Variants in FOLH1 observed in about 807,000 individuals in gnomAD.
FOLH1 encodes the protein glutamate carboxypeptidase 2.
In FOLH1, 54 loss-of-function variants were observed where a neutral mutation model predicts 93.9. The observed-to-expected ratio is 0.57, with a 90% CI of 0.46 to 0.72. FOLH1 has a LOEUF of 0.72. Ranked by LOEUF, FOLH1 falls within the 30% of genes least tolerant of loss-of-function variation. FOLH1 has a pLI of 0.00. For missense variants in FOLH1, 571 were observed against 892.5 expected (o/e 0.64, Z 4.59); for synonymous variants, 249 against 303.6 (o/e 0.82, Z 1.87).
At position 49,208,243 on chromosome 11, in the gene FOLH1, G is replaced by C. The variant is rs573572310; in HGVS notation, c.118+49C>G. On this transcript the variant is annotated intron_variant, in intron 1 of 18. Coordinates refer to ENST00000256999, the MANE Select transcript of FOLH1 (RefSeq NM_004476.3). ...GCTGACCCGCGAGTCCCAGCACCGC[G>C]GCACCACGGGGAAGACTCCGAGGTT... is the stretch of plus-strand genomic sequence containing the variant. 7.6e-6 allele frequency: 10 copies of C among 1,320,986 alleles called. 1 individual carries two copies. In the African/African-American group the frequency reaches 1.0e-4, roughly 14 times the overall value. The allele number at this position is 1,320,986 out of a possible 1,614,324, so 81.8% of individuals were successfully genotyped here.
intron 13 of FOLH1, among the ~76,000 whole-genome samples, chr11:49,160,495 T>G (rs1159700141): frequency 6.6e-6 from 1 of 151,996 alleles, no homozygotes; most frequent in African/African-American, 2.4e-5. Context: ...CAGGCTGGAG[T>G]GCAGTGACGT....
intron 3 of FOLH1, among the ~76,000 whole-genome samples, chr11:49,198,630 A>T (rs1862927578): frequency 6.6e-6 from 1 of 152,156 alleles, no homozygotes. Context: ...CTTTAAATAA[A>T]TTTTCTGAAC....
At chr11:49,203,041 G>T (rs904187066) in intron 2 of FOLH1, among the ~76,000 whole-genome samples, 1 of 152,146 alleles carries the variant, frequency 6.6e-6, no homozygotes, top group Non-Finnish European at 1.5e-5. Context: ...AACAAAATTT[G>T]ATATTCTAGT....
chr11:49,154,194 A>T, intron 16 of FOLH1, 34 bp downstream of exon 16: 1 of 1,609,186 alleles, frequency 6.2e-7, no homozygotes. Flanking sequence ...AGAACCATAC[A>T]GATGAGGAAT....
At chr11:49,193,573 T>G (rs1388221295) in intron 3 of FOLH1, among the ~76,000 whole-genome samples, 1 of 152,172 alleles carries the variant, frequency 6.6e-6, no homozygotes, top group Admixed American at 6.5e-5. Context: ...AATCCACAAC[T>G]GGCCTTATCT....
At chr11:49,182,413 C>T (rs1056178517) in intron 7 of FOLH1, among the ~76,000 whole-genome samples, 9 of 147,360 alleles carry the variant, frequency 6.1e-5, no homozygotes, top group Admixed American at 2.7e-4. Flanking sequence ...CCAGGTTAAG[C>T]AGAACAAATC....
intron 2 of FOLH1, among the ~76,000 whole-genome samples, chr11:49,204,136 G>C (rs1282957710): frequency 1.3e-5 from 2 of 152,160 alleles, no homozygotes; most frequent in Non-Finnish European, 2.9e-5. Flanking sequence ...AGGAGGGCTG[G>C]GCAGCCCACC....
At chr11:49,156,401 T>G (rs1288108117) in intron 15 of FOLH1, among the ~76,000 whole-genome samples, 1 of 152,084 alleles carries the variant, frequency 6.6e-6, no homozygotes, top group Non-Finnish European at 1.5e-5. Flanking sequence ...TCAAAGACAA[T>G]TCCTACATTT....
At chr11:49,150,234 C>T (rs1476569938) in intron 17 of FOLH1, among the ~76,000 whole-genome samples, 1 of 152,062 alleles carries the variant, frequency 6.6e-6, no homozygotes, top group Non-Finnish European at 1.5e-5. Flanking sequence ...GTTCAAATGT[C>T]AATTGTAAAT....
At chr11:49,185,589 C>T in intron 6 of FOLH1, 80 bp downstream of exon 6, 1 of 1,543,338 alleles carries the variant, frequency 6.5e-7, no homozygotes, top group Non-Finnish European at 8.8e-7. Context: ...ATGCTTAGTC[C>T]ATTGTACCAA....
chr11:49,185,317 C>T (rs1409762985), intron 6 of FOLH1, among the ~76,000 whole-genome samples: 2 of 152,178 alleles, frequency 1.3e-5, no homozygotes, highest in African/African-American at 2.4e-5. Flanking sequence ...CCCCCACTTA[C>T]TACTTAGCGT....
intron 2 of FOLH1, among the ~76,000 whole-genome samples, chr11:49,205,456 G>A (rs1209219893): frequency 6.6e-6 from 1 of 152,116 alleles, no homozygotes; most frequent in Non-Finnish European, 1.5e-5. Flanking sequence ...TTTTACAGAT[G>A]TGGAAAAGAG....
chr11:49,183,101 A>G (rs1409994381), intron 7 of FOLH1, 48 bp downstream of exon 7: 2 of 1,508,984 alleles, frequency 1.3e-6, no homozygotes, highest in East Asian at 4.5e-5. Context: ...GAAAACTGTC[A>G]ATAAGAAAAT....
At chr11:49,185,008 C>A (rs562481823) in intron 6 of FOLH1, among the ~76,000 whole-genome samples, 3 of 152,240 alleles carry the variant, frequency 2.0e-5, no homozygotes, top group Non-Finnish European at 4.4e-5. Flanking sequence ...GATAATAACA[C>A]CCCCTAGCTT....
Position 49,150,435 on chromosome 11 carries a change from AG to A in FOLH1, c.1971-1705del, listed in dbSNP as rs1856375887. On this transcript the variant is annotated intron_variant, in intron 17 of 18. Coordinates refer to ENST00000256999, the MANE Select transcript of FOLH1 (RefSeq NM_004476.3). ...CTGATCAACCCAGATATACAAATATAGGCAAGATTTTCTTCACCTTAGGTAT... is the reference window on the plus strand; with the variant it reads ...CTGATCAACCCAGATATACAAATATAGCAAGATTTTCTTCACCTTAGGTAT... Among the ~76,000 whole-genome samples the A allele has an allele frequency of 3.9e-5, 6 of 152,302 alleles. No individual in the cohort carries two copies. The South Asian group carries it at 1.2e-3, about 32-fold the overall frequency.
chr11:49,200,522 A>G, intron 2 of FOLH1, 81 bp from the exon 3 acceptor site: 1 of 1,459,480 alleles, frequency 6.9e-7, no homozygotes, highest in African/African-American at 1.4e-5. Flanking sequence ...AAGCAGAGTT[A>G]CACAAAAGTA....
At chr11:49,153,371 G>A (rs1485829326) in intron 17 of FOLH1, among the ~76,000 whole-genome samples, 1 of 151,374 alleles carries the variant, frequency 6.6e-6, no homozygotes, top group East Asian at 1.9e-4. Flanking sequence ...AAAAACAAAG[G>A]AGGTAGAAAG....
In FOLH1 at chr11:49,180,642, A is replaced by T. The variant is rs148634161; in HGVS notation, c.920+2507T>A. ...ACTGCTAACCACTTGAGAGAACCTC[A>T]GAATTGAGTATCTTGGCACACTCCC... On this transcript the variant is annotated intron_variant, in intron 7 of 18. Transcript: ENST00000256999. 3.1e-3 allele frequency among the ~76,000 whole-genome samples: 472 copies of T among 152,316 alleles called. 4 individuals carry two copies. The highest frequency in any genetic ancestry group is 0.011 in the African/African-American group (462 of 41,566).
At chr11:49,194,576 A>T (rs961522369) in intron 3 of FOLH1, among the ~76,000 whole-genome samples, 20 of 152,232 alleles carry the variant, frequency 1.3e-4, no homozygotes, top group Middle Eastern at 3.4e-3. Flanking sequence ...CTTTAGGGGA[A>T]AAAAGGAAGA....
Sources: allele counts gnomAD v4.1 joint callset (sites outside exome capture counted in the v4.1 genomes callset), GRCh38; gene constraint gnomAD v4.1.1; transcripts MANE v1.5; gene names NCBI Gene and HGNC (gene_info 2026-07-23, HGNC 2026-07-21).